Variants in SLC35F4 observed in about 807,000 individuals in gnomAD.
SLC35F4 encodes the protein chromosome 14 open reading frame 36.
SLC35F4 carries 24 observed loss-of-function variants against 44.2 expected under a neutral mutation model. The observed-to-expected ratio is 0.54, with a 90% CI of 0.39 to 0.76. The LOEUF is 0.76. SLC35F4 is among the 30% of genes least tolerant of loss of function. The pLI is 0.00. For missense variants in SLC35F4, 562 were observed against 586.1 expected, an observed-to-expected ratio of 0.96 and a Z score of 0.42; for synonymous variants, 238 against 223.6, an observed-to-expected ratio of 1.06 and a Z score of -0.57.
At chr14:57,954,188 A>T (rs1304651825) in intron 1 of SLC35F4, among the ~76,000 whole-genome samples, 1 of 152,246 alleles carries the variant, frequency 6.6e-6, no homozygotes, top group Non-Finnish European at 1.5e-5. Flanking sequence ...CTGGGTAAAT[A>T]ACAAAATTAA....
In SLC35F4 at chr14:57,589,984, T is replaced by C. The variant is rs532309240; in HGVS notation, c.290-471A>G. On this transcript the variant is annotated intron_variant, in intron 2 of 7. Transcript: ENST00000556826. ...AGAACGCCAAATAGAAGGTGTTCTT[T>C]CTGTGTGGGAACATGAGCAGAACCC... Among the ~76,000 whole-genome samples the C allele has an allele frequency of 2.6e-5, 4 of 152,366 alleles. No individual in the cohort carries two copies. In the South Asian group the frequency reaches 8.3e-4, roughly 32 times the overall value.
chr14:57,945,492 T>TGTGTGC (rs71104595), intron 1 of SLC35F4, among the ~76,000 whole-genome samples: 2 of 143,468 alleles, frequency 1.4e-5, no homozygotes, highest in African/African-American at 5.2e-5. Context: ...TGTGTGTGTG[T>TGTGTGC]ATCACATTTT....
rs373234362 is a variant in SLC35F4 at position 57,705,188 on chromosome 14, C to A, written c.104-111064G>T. On this transcript the variant is annotated intron_variant, in intron 1 of 7. Coordinates refer to ENST00000556826, the MANE Select transcript of SLC35F4 (RefSeq NM_001306087.2). ...TAATAAATGCTAGCTAGTAAAATTACTGGAATTCAATCCAGCAGTAGGTTT... is the reference window on the plus strand; with the variant it reads ...TAATAAATGCTAGCTAGTAAAATTAATGGAATTCAATCCAGCAGTAGGTTT... Among the ~76,000 whole-genome samples the A allele has an allele frequency of 5.9e-5, 9 of 152,186 alleles. No individual in the cohort carries two copies. In the East Asian group the frequency reaches 1.7e-3, roughly 29 times the overall value.
intron 4 of SLC35F4, among the ~76,000 whole-genome samples, chr14:57,576,748 C>A (rs1183968485): frequency 1.3e-5 from 2 of 152,120 alleles, no homozygotes; most frequent in African/African-American, 2.4e-5. Flanking sequence ...TGAACTCCCC[C>A]TCTCCCTACA....
upstream of SLC35F4, among the ~76,000 whole-genome samples, chr14:57,866,829 GT>G (rs974677421): frequency 2.6e-5 from 4 of 152,012 alleles, no homozygotes; most frequent in Non-Finnish European, 5.9e-5. Context: ...TTGAAGCTGT[GT>G]GTTCAGAGCG....
At chr14:57,893,663 C>T (rs1888817589) in intron 1 of SLC35F4, among the ~76,000 whole-genome samples, 1 of 152,142 alleles carries the variant, frequency 6.6e-6, no homozygotes, top group South Asian at 2.1e-4. Flanking sequence ...ATGTCCTGGA[C>T]CACAGGACAT....
At chr14:57,612,649 C>G (rs2071584351) in intron 1 of SLC35F4, among the ~76,000 whole-genome samples, 1 of 152,164 alleles carries the variant, frequency 6.6e-6, no homozygotes, top group Non-Finnish European at 1.5e-5. Flanking sequence ...TTTTCATAAG[C>G]ATTTGTTGAG....
chr14:57,720,044 T>G (rs2140432327), intron 1 of SLC35F4, among the ~76,000 whole-genome samples: 1 of 152,326 alleles, frequency 6.6e-6, no homozygotes, highest in South Asian at 2.1e-4. Context: ...TTCAAATGCT[T>G]TATCAGCAAC....
intron 1 of SLC35F4, among the ~76,000 whole-genome samples, chr14:57,719,481 C>A (rs2076026791): frequency 6.6e-6 from 1 of 152,040 alleles, no homozygotes; most frequent in Non-Finnish European, 1.5e-5. Context: ...TTTTTGGTGT[C>A]CTCTTCAATT....
chr14:57,828,167 C>T (rs921240675), intron 1 of SLC35F4, among the ~76,000 whole-genome samples: 2 of 152,284 alleles, frequency 1.3e-5, no homozygotes, highest in Admixed American at 1.3e-4. Flanking sequence ...ACTTCAGATG[C>T]ACGTTTGAAT....
chr14:57,774,896 A>C (rs1382140590), intron 1 of SLC35F4, among the ~76,000 whole-genome samples: 1 of 152,108 alleles, frequency 6.6e-6, no homozygotes, highest in African/African-American at 2.4e-5. Flanking sequence ...GTGCATGTGC[A>C]CCACGACAAG....
intron 1 of SLC35F4, among the ~76,000 whole-genome samples, chr14:57,954,592 T>C (rs954851468): frequency 6.6e-6 from 1 of 151,960 alleles, no homozygotes; most frequent in African/African-American, 2.4e-5. Flanking sequence ...ATAAAGGAGA[T>C]ATCACCACTG....
intron 1 of SLC35F4, among the ~76,000 whole-genome samples, chr14:57,696,310 G>GA (rs554515913): frequency 9.7e-4 from 148 of 152,138 alleles, no homozygotes; most frequent in African/African-American, 3.5e-3. Flanking sequence ...CAACAAACAT[G>GA]AAAAAAAGCT....
intron 1 of SLC35F4, among the ~76,000 whole-genome samples, chr14:57,920,297 A>T (rs1005611091): frequency 6.6e-6 from 1 of 152,232 alleles, no homozygotes; most frequent in African/African-American, 2.4e-5. Context: ...AAATCAGGCC[A>T]GTTGCAGTGG....
intron 1 of SLC35F4, among the ~76,000 whole-genome samples, chr14:57,671,311 C>A (rs568078199): frequency 2.4e-4 from 37 of 152,062 alleles, no homozygotes; most frequent in African/African-American, 8.9e-4. Context: ...TCAGAGTGCA[C>A]AGGTCTCAGG....
chr14:57,626,322 TA>T (rs1457706846), intron 1 of SLC35F4, among the ~76,000 whole-genome samples: 5 of 146,316 alleles, frequency 3.4e-5, no homozygotes, highest in Non-Finnish European at 6.0e-5. Context: ...AAGTATATTT[TA>T]AAAAGGAAAC....
chr14:57,777,869 T>C (rs191896692), intron 1 of SLC35F4, among the ~76,000 whole-genome samples: 2 of 152,190 alleles, frequency 1.3e-5, no homozygotes, highest in East Asian at 1.9e-4. Flanking sequence ...CCATCTCACA[T>C]GGAATGACAC....
At chr14:57,633,818 A>G (rs1211271747) in intron 1 of SLC35F4, among the ~76,000 whole-genome samples, 1 of 152,136 alleles carries the variant, frequency 6.6e-6, no homozygotes, top group Non-Finnish European at 1.5e-5. Flanking sequence ...ACTCAGCATA[A>G]TGCCCTCAGA....
chr14:57,927,182 G>T (rs1359601257), intron 1 of SLC35F4, among the ~76,000 whole-genome samples: 1 of 152,164 alleles, frequency 6.6e-6, no homozygotes, highest in Non-Finnish European at 1.5e-5. Flanking sequence ...AAGCTGTCCT[G>T]TTTCTGATAA....
Sources: gnomAD v4.1 joint callset for allele counts (sites outside exome capture counted in the v4.1 genomes callset) on GRCh38, gnomAD v4.1.1 for gene constraint, MANE v1.5 for transcripts, NCBI Gene and HGNC (gene_info 2026-07-23, HGNC 2026-07-21) for gene names.